The following NNT variants were observed in gnomAD, a reference collection of about 807,000 sequenced individuals.
NNT encodes nicotinamide nucleotide transhydrogenase.
In NNT, 50 loss-of-function variants were observed where a neutral mutation model predicts 104.8. The ratio of observed to expected loss-of-function variants is 0.48; its 90% CI spans 0.38 to 0.60. NNT has a LOEUF of 0.60. NNT is among the 20% of genes least tolerant of loss of function. The pLI is 0.00. For synonymous variants in NNT, 461 were observed against 490.4 expected, an observed-to-expected ratio of 0.94 and a Z score of 0.79; for missense variants, 1,131 against 1,330.7, an observed-to-expected ratio of 0.85 and a Z score of 2.33.
Position 43,651,759 on chromosome 5 carries a change from A to G in NNT, c.1738A>G (p.Arg580Gly), listed in dbSNP as rs748725406. 3.7e-6 allele frequency: 6 copies of G among 1,614,108 alleles called. No individual in the cohort carries two copies. Among genetic ancestry groups the G allele is most frequent in the African/African-American group, 1.3e-5 (1 of 75,006 alleles). The change falls in exon 13 of 22, where the codon AGA (arginine) becomes GGA (glycine). Residue 580 changes from arginine (R) to glycine (G), a missense_variant. Coordinates refer to ENST00000344920, the MANE Select transcript of NNT (RefSeq NM_182977.3). ...CTAAGGTGGCTTTCTGGTGACTCAG[A>G]GAATGCTGGACATGTTCAAGCGTCC... ...NIAGGFLVTQRMLDMFKRPTD... is the reference protein window; with the variant it reads ...NIAGGFLVTQGMLDMFKRPTD...
chr5:43,660,496 G>A (rs377724177), intron 17 of NNT, among the ~76,000 whole-genome samples: 4 of 152,138 alleles, frequency 2.6e-5, no homozygotes, highest in Admixed American at 6.5e-5. Flanking sequence ...AAAGCAGAAC[G>A]TGATTTTACA....
intron 7 of NNT, among the ~76,000 whole-genome samples, chr5:43,635,946 G>A (rs1311024014): frequency 6.6e-6 from 1 of 152,080 alleles, no homozygotes; most frequent in Non-Finnish European, 1.5e-5. Flanking sequence ...GTAGATTTTT[G>A]TGCACAGCTA....
intron 19 of NNT, among the ~76,000 whole-genome samples, chr5:43,691,907 G>T (rs1742304652): frequency 6.6e-6 from 1 of 152,168 alleles, no homozygotes; most frequent in Non-Finnish European, 1.5e-5. Flanking sequence ...AATATTGTCA[G>T]TACCTGTGTC....
intron 11 of NNT, among the ~76,000 whole-genome samples, chr5:43,650,195 A>G (rs993089806): frequency 1.3e-5 from 2 of 152,258 alleles, no homozygotes; most frequent in African/African-American, 2.4e-5. Context: ...ATCGCTAGAA[A>G]GTTAAAAGAA....
At chr5:43,672,629 GA>G (rs1315789842) in intron 17 of NNT, among the ~76,000 whole-genome samples, 3 of 152,218 alleles carry the variant, frequency 2.0e-5, no homozygotes, top group Non-Finnish European at 2.9e-5. Context: ...GTTGCTGCCT[GA>G]TCGTTCCTCT....
rs1750070102 is a variant in NNT, at chr5:43,621,173, G to A, written c.687+2054G>A. 2.0e-5 allele frequency among the ~76,000 whole-genome samples: 3 copies of A among 152,226 alleles called. No homozygotes were observed. The South Asian group carries it at 6.2e-4, about 32-fold the overall frequency. ...AGTTTGTTCAAGCCGCAGCCTGTGG[G>A]CCACAAGTGGCCCAGGACGGTTTTG... On this transcript the variant is annotated intron_variant, in intron 5 of 21. Transcript: ENST00000344920.
chr5:43,648,244 C>T, intron 10 of NNT: 1 of 1,033,050 alleles, frequency 9.7e-7, no homozygotes, highest in Non-Finnish European at 1.2e-6. Flanking sequence ...TAATGTCAAT[C>T]CCTAGATATT....
At chr5:43,624,236 C>T in intron 6 of NNT, 116 bp downstream of exon 6, 6 of 845,044 alleles carry the variant, frequency 7.1e-6, no homozygotes, top group Non-Finnish European at 1.2e-5. Flanking sequence ...TCTATAAGCT[C>T]TTTCCATTTA....
chr5:43,671,565 A>G (rs181435973), intron 17 of NNT, among the ~76,000 whole-genome samples: 98 of 152,270 alleles, frequency 6.4e-4, no homozygotes, highest in African/African-American at 9.9e-4. Context: ...CTGGATATGA[A>G]ATTCTGGGTT....
intron 18 of NNT, 22 bp from the exon 19 acceptor site, chr5:43,677,703 G>A: frequency 6.2e-7 from 1 of 1,600,660 alleles, no homozygotes; most frequent in Non-Finnish European, 8.6e-7. Flanking sequence ...ACATTCTTCT[G>A]TGTTCTTAAT....
At chr5:43,669,074 C>T (rs1031815602) in intron 17 of NNT, among the ~76,000 whole-genome samples, 3 of 152,104 alleles carry the variant, frequency 2.0e-5, no homozygotes, top group African/African-American at 7.2e-5. Flanking sequence ...TGATTTGGCT[C>T]TCTGTTTGTC....
At chr5:43,701,896 A>G (rs906155623) in intron 20 of NNT, among the ~76,000 whole-genome samples, 1 of 152,014 alleles carries the variant, frequency 6.6e-6, no homozygotes, top group African/African-American at 2.4e-5. Context: ...ATGTCTGTTC[A>G]TGTCTTTTGC....
intron 19 of NNT, among the ~76,000 whole-genome samples, chr5:43,689,330 T>C (rs1482855670): frequency 6.6e-6 from 1 of 152,202 alleles, no homozygotes; most frequent in Admixed American, 6.5e-5. Flanking sequence ...TCCCACTCTG[T>C]GGGTTGTCTG....
chr5:43,648,110 T>G, intron 10 of NNT: 1 of 1,207,948 alleles, frequency 8.3e-7, no homozygotes, highest in South Asian at 1.5e-5. Context: ...GAAGACAAAA[T>G]AGTGTTGTAT....
intron 17 of NNT, chr5:43,666,948 T>C: frequency 1.3e-6 from 2 of 1,588,524 alleles, no homozygotes; most frequent in Non-Finnish European, 1.7e-6. Context: ...TGTAGGCAAG[T>C]GGATCGAGCT....
chr5:43,622,468 A>G (rs1017017339), intron 5 of NNT, among the ~76,000 whole-genome samples: 1 of 152,094 alleles, frequency 6.6e-6, no homozygotes, highest in African/African-American at 2.4e-5. Flanking sequence ...GGATCTCACT[A>G]TGTTGCTTAG....
intron 18 of NNT, among the ~76,000 whole-genome samples, chr5:43,676,513 T>G (rs1741421906): frequency 1.3e-5 from 2 of 152,298 alleles, no homozygotes; most frequent in African/African-American, 4.8e-5. Flanking sequence ...ATAGGTGGAT[T>G]TGGGTTTTTG....
At chr5:43,680,391 ACT>A (rs911272037) in intron 19 of NNT, among the ~76,000 whole-genome samples, 3 of 151,806 alleles carry the variant, frequency 2.0e-5, no homozygotes, top group African/African-American at 7.3e-5. Flanking sequence ...TCCTTTCATC[ACT>A]CTGTGGAGCT....
intron 17 of NNT, among the ~76,000 whole-genome samples, chr5:43,661,631 A>G (rs1051819580): frequency 2.2e-5 from 3 of 136,742 alleles, no homozygotes; most frequent in Admixed American, 8.2e-5. Flanking sequence ...TCATTGTTCA[A>G]TTCCCACCTA....
Sources: gnomAD v4.1 joint callset for allele counts (sites outside exome capture counted in the v4.1 genomes callset) on GRCh38, gnomAD v4.1.1 for gene constraint, MANE v1.5 for transcripts, NCBI Gene and HGNC (gene_info 2026-07-23, HGNC 2026-07-21) for gene names.